The following TMEFF2 variants were observed in gnomAD, a reference collection of about 807,000 sequenced individuals.
TMEFF2 encodes the protein tomoregulin-2.
Under a neutral mutation model 53.8 loss-of-function variants are expected in TMEFF2, and 28 were observed. The ratio of observed to expected loss-of-function variants is 0.52; its 90% CI spans 0.39 to 0.71. The LOEUF (loss-of-function observed/expected upper bound fraction) is 0.71, where lower values mean the gene tolerates loss of function less well. Among genes scored for constraint, TMEFF2 ranks in the 30% least tolerant of loss-of-function variants. The probability of loss-of-function intolerance (pLI) is 0.00; values close to 1 mark genes in which losing one functional copy is unlikely to be tolerated. For synonymous variants in TMEFF2, 162 were observed against 166.3 expected (o/e 0.97, Z 0.20); for missense variants, 353 against 455.2 (o/e 0.78, Z 2.04).
chr2:191,975,729 T>C (rs1256148966), intron 7 of TMEFF2, among the ~76,000 whole-genome samples: 1 of 152,174 alleles, frequency 6.6e-6, no homozygotes, highest in Admixed American at 6.5e-5. Context: ...AATATAGGGA[T>C]CTTCATCTGA....
chr2:192,120,286 A>G (rs1170660674), intron 4 of TMEFF2, among the ~76,000 whole-genome samples: 2 of 152,176 alleles, frequency 1.3e-5, no homozygotes, highest in Non-Finnish European at 2.9e-5. Context: ...AGCCAGTTTC[A>G]GCCAGTTTGT....
intron 4 of TMEFF2, among the ~76,000 whole-genome samples, chr2:192,166,099 G>T (rs1414307324): frequency 1.3e-5 from 2 of 152,146 alleles, no homozygotes; most frequent in Non-Finnish European, 2.9e-5. Context: ...GGTGTGTTGA[G>T]CCAGATGAAA....
intron 2 of TMEFF2, among the ~76,000 whole-genome samples, chr2:192,187,487 G>A (rs947043946): frequency 6.6e-6 from 1 of 152,118 alleles, no homozygotes; most frequent in Non-Finnish European, 1.5e-5. Context: ...CCTAACTACT[G>A]CATTAAAATA....
intron 4 of TMEFF2, among the ~76,000 whole-genome samples, chr2:192,160,356 T>C (rs1265303691): frequency 1.3e-5 from 2 of 152,190 alleles, no homozygotes; most frequent in East Asian, 1.9e-4. Flanking sequence ...ACTTTAGTGA[T>C]AGATGTTTAA....
At chr2:192,137,628 T>C (rs1251285588) in intron 4 of TMEFF2, among the ~76,000 whole-genome samples, 1 of 151,826 alleles carries the variant, frequency 6.6e-6, no homozygotes, top group African/African-American at 2.4e-5. Context: ...AGACCAATAG[T>C]GGAGAGGGTG....
chr2:192,077,647 T>C (rs185702153), intron 4 of TMEFF2, among the ~76,000 whole-genome samples: 25 of 152,154 alleles, frequency 1.6e-4, no homozygotes, highest in Admixed American at 5.9e-4. Flanking sequence ...AGGCCAGGAA[T>C]GAGGAATGTC....
intron 5 of TMEFF2, among the ~76,000 whole-genome samples, chr2:192,021,093 C>T (rs951041364): frequency 2.0e-5 from 3 of 152,148 alleles, no homozygotes; most frequent in Non-Finnish European, 2.9e-5. Flanking sequence ...TCCTCCCTTA[C>T]ATCTTAAAGA....
At chr2:192,171,179 G>A (rs1690904209) in intron 4 of TMEFF2, among the ~76,000 whole-genome samples, 1 of 151,890 alleles carries the variant, frequency 6.6e-6, no homozygotes, top group African/African-American at 2.4e-5. Flanking sequence ...ACCTTATGAG[G>A]ATTAAAAATA....
intron 5 of TMEFF2, among the ~76,000 whole-genome samples, chr2:192,046,133 G>A (rs1395833765): frequency 2.0e-5 from 3 of 152,138 alleles, no homozygotes; most frequent in Admixed American, 1.3e-4. Flanking sequence ...GGGAGGCTGA[G>A]GTGGGTGGAT....
At chr2:192,099,108 G>A (rs1170366036) in intron 4 of TMEFF2, among the ~76,000 whole-genome samples, 2 of 152,102 alleles carry the variant, frequency 1.3e-5, no homozygotes, top group Non-Finnish European at 2.9e-5. Context: ...GACACACTCA[G>A]TTGAAGGAGA....
intron 5 of TMEFF2, among the ~76,000 whole-genome samples, chr2:192,009,539 C>T (rs1686577771): frequency 6.6e-6 from 1 of 151,866 alleles, no homozygotes; most frequent in Admixed American, 6.6e-5. Flanking sequence ...GAACTGATAC[C>T]AAATGTTTAT....
intron 4 of TMEFF2, among the ~76,000 whole-genome samples, chr2:192,119,496 G>T (rs1282696277): frequency 6.6e-6 from 1 of 152,174 alleles, no homozygotes; most frequent in African/African-American, 2.4e-5. Flanking sequence ...AATTCCACTA[G>T]ATTCATCTCT....
intron 7 of TMEFF2, among the ~76,000 whole-genome samples, chr2:191,971,092 A>AT (rs1479118041): frequency 6.6e-6 from 1 of 152,174 alleles, no homozygotes; most frequent in Non-Finnish European, 1.5e-5. Flanking sequence ...CTAGTCAGTG[A>AT]TAACTGGAGT....
chr2:191,964,229 TTTCC>T (rs138916856), intron 7 of TMEFF2, among the ~76,000 whole-genome samples: 103,680 of 140,526 alleles, frequency 0.74, 38,008 homozygotes, highest in East Asian at 0.87. Context: ...TCTGTCTTTC[TTTCC>T]TTCCTTCCTT....
chr2:192,035,042 T>G (rs1171875459), intron 5 of TMEFF2, among the ~76,000 whole-genome samples: 1 of 152,192 alleles, frequency 6.6e-6, no homozygotes, highest in Non-Finnish European at 1.5e-5. Flanking sequence ...TGTCACAGGA[T>G]TCAATTTCAC....
chr2:192,083,757 T>C (rs1474518950), intron 4 of TMEFF2, among the ~76,000 whole-genome samples: 2 of 151,254 alleles, frequency 1.3e-5, no homozygotes, highest in Non-Finnish European at 2.9e-5. Flanking sequence ...TAATTGTATT[T>C]TCAAATTCCA....
intron 4 of TMEFF2, among the ~76,000 whole-genome samples, chr2:192,118,712 ACAG>A (rs1197053497): frequency 2.0e-5 from 3 of 152,176 alleles, no homozygotes; most frequent in Non-Finnish European, 2.9e-5. Context: ...ATTTCTTTGT[ACAG>A]CAGATGTAAA....
At chr2:192,060,476 C>T (rs893205370) in intron 4 of TMEFF2, among the ~76,000 whole-genome samples, 7 of 152,174 alleles carry the variant, frequency 4.6e-5, no homozygotes, top group African/African-American at 1.7e-4. Flanking sequence ...AAACATGAAA[C>T]AGACTATACT....
At position 191,969,125 on chromosome 2, in the gene TMEFF2, ATGTG is replaced by A. The variant is rs1272680651; in HGVS notation, c.746-12751_746-12748del. Among the ~76,000 whole-genome samples, 129 of 128,972 alleles carry A rather than the reference ATGTG, an allele frequency of 1.0e-3. 1 individual carries two copies. The highest frequency in any genetic ancestry group is 5.6e-4 in the South Asian group (2 of 3,582). 84.6% of individuals were successfully genotyped at this position (128,972 alleles called of 152,430 possible). ...TGTATATATGTATGTATGTTTGTGTATGTGTGTGTGTATCTATGTGTGTGTGTGT... is the reference window on the plus strand; with the variant it reads ...TGTATATATGTATGTATGTTTGTGTATGTGTGTATCTATGTGTGTGTGTGT... On this transcript the variant is annotated intron_variant, in intron 7 of 9. Transcript: ENST00000272771.
Sources: gnomAD v4.1 joint callset for allele counts (sites outside exome capture counted in the v4.1 genomes callset) on GRCh38, gnomAD v4.1.1 for gene constraint, MANE v1.5 for transcripts, NCBI Gene and HGNC (gene_info 2026-07-23, HGNC 2026-07-21) for gene names.